Variants in PRCP observed in about 807,000 individuals in gnomAD.
PRCP encodes the protein prolylcarboxypeptidase, also known as lysosomal Pro-X carboxypeptidase.
Under a neutral mutation model 54.2 loss-of-function variants are expected in PRCP, and 46 were observed. The ratio of observed to expected loss-of-function variants is 0.85; its 90% CI spans 0.67 to 1.09. PRCP has a LOEUF of 1.09. Ranked by LOEUF, PRCP falls within the 50% of genes least tolerant of loss-of-function variation. The pLI is 0.00. For missense variants in PRCP, 613 were observed against 596.8 expected (o/e 1.03, Z -0.28); for synonymous variants, 240 against 212.2 (o/e 1.13, Z -1.14).
In PRCP at chr11:82,891,936, A is replaced by C. The variant is rs543153969; in HGVS notation, c.168+8299T>G. Among the ~76,000 whole-genome samples, 44 of 152,338 alleles carry C rather than the reference A, an allele frequency of 2.9e-4. 1 individual carries two copies. Among genetic ancestry groups the C allele is most frequent in the Non-Finnish European group, 5.1e-4 (35 of 68,032 alleles). On this transcript the variant is annotated intron_variant, in intron 1 of 8. Transcript: ENST00000313010. ...CAATATTCCATTTTATAGACATACC[A>C]CAAGTTATTTACAATTTGGGACTGA...
chr11:82,889,282 C>T (rs566639617), intron 1 of PRCP, among the ~76,000 whole-genome samples: 22 of 151,764 alleles, frequency 1.4e-4, no homozygotes, highest in African/African-American at 5.1e-4. Flanking sequence ...CACCTGAGCC[C>T]GGGAGTTTGA....
chr11:82,849,213 C>A lies in PRCP; in HGVS notation c.757G>T (p.Gly253Cys). Residue 253 changes from glycine to cysteine, a missense_variant, in exon 6 of 9, where the codon GGT becomes TGT. Physicochemically the swap from Gly to Cys is radical, Grantham distance 159 (BLOSUM62 -3). Coordinates refer to ENST00000313010, the MANE Select transcript of PRCP (RefSeq NM_005040.4). Reference protein sequence around the residue: ...AINRLSNTGSGLQWLTGALHL... With the variant: ...AINRLSNTGSCLQWLTGALHL... ...AGGGCTCCAGTAAGCCACTGCAAACCACTGCCTGGGAATAGAATCACACTG... is the reference window on the plus strand; with the variant it reads ...AGGGCTCCAGTAAGCCACTGCAAACAACTGCCTGGGAATAGAATCACACTG... 3 of 1,613,886 alleles carry A rather than the reference C, an allele frequency of 1.9e-6. No homozygotes were observed. The highest frequency in any genetic ancestry group is 2.5e-6 in the Non-Finnish European group (3 of 1,179,842).
chr11:82,874,204 A>G (rs1440701407), intron 1 of PRCP, among the ~76,000 whole-genome samples: 2 of 152,192 alleles, frequency 1.3e-5, no homozygotes, highest in Non-Finnish European at 2.9e-5. Flanking sequence ...ACACCAGATA[A>G]TCAACAACTT....
intron 8 of PRCP, chr11:82,827,868 C>T (rs1248607529): frequency 6.6e-6 from 1 of 152,160 alleles, no homozygotes; most frequent in Non-Finnish European, 1.5e-5. Context: ...GTATAGTCAT[C>T]TTAATAGTAT....
At chr11:82,850,269 A>G in intron 4 of PRCP, 55 bp downstream of exon 4, 1 of 1,363,160 alleles carries the variant, frequency 7.3e-7, no homozygotes. Flanking sequence ...ATGAATCTCT[A>G]AGTTTCCCTT....
At chr11:82,847,361 C>CAGT (rs1416372138) in intron 6 of PRCP, among the ~76,000 whole-genome samples, 3 of 152,146 alleles carry the variant, frequency 2.0e-5, no homozygotes, top group Non-Finnish European at 4.4e-5. Flanking sequence ...CAGTGAAGAC[C>CAGT]CAAGTTCAAA....
chr11:82,835,417 C>A, intron 8 of PRCP: 1 of 178,290 alleles, frequency 5.6e-6, no homozygotes, highest in South Asian at 1.3e-4. Flanking sequence ...GCACAGTGGT[C>A]AGAGAGGTAC....
intron 1 of PRCP, among the ~76,000 whole-genome samples, chr11:82,891,201 A>G (rs1860002234): frequency 6.6e-6 from 1 of 152,162 alleles, no homozygotes; most frequent in East Asian, 1.9e-4. Flanking sequence ...CTAACTGCTC[A>G]GGCCAAAAAC....
chr11:82,881,053 G>C (rs1859738367), intron 1 of PRCP, among the ~76,000 whole-genome samples: 1 of 152,106 alleles, frequency 6.6e-6, no homozygotes, highest in Admixed American at 6.5e-5. Flanking sequence ...TTGCTTCCAG[G>C]TCTTACCTTT....
Position 82,894,551 on chromosome 11 carries a change from A to G in PRCP, c.168+5684T>C, listed in dbSNP as rs141966989. On this transcript the variant is annotated intron_variant, in intron 1 of 8. Coordinates refer to ENST00000313010, the MANE Select transcript of PRCP (RefSeq NM_005040.4). ...TCCATTTATCTTACAAATTAGTACA[A>G]TGAGATCTAGAGGGTTAGGCAACTT... 4.7e-4 allele frequency among the ~76,000 whole-genome samples: 71 copies of G among 152,372 alleles called. 1 individual carries two copies. Among genetic ancestry groups the G allele is most frequent in the African/African-American group, 1.6e-3 (65 of 41,582 alleles).
intron 1 of PRCP, among the ~76,000 whole-genome samples, chr11:82,867,311 C>T (rs1281598271): frequency 2.0e-5 from 3 of 152,160 alleles, no homozygotes; most frequent in African/African-American, 4.8e-5. Context: ...TTTCCTCAAA[C>T]CAAGAACTCC....
At chr11:82,835,647 A>G (rs564339473) in intron 8 of PRCP, 258 of 311,294 alleles carry the variant, frequency 8.3e-4, no homozygotes, top group Non-Finnish European at 1.2e-3. Context: ...GCTGAGGACA[A>G]CGATGTAGAA....
intron 6 of PRCP, among the ~76,000 whole-genome samples, chr11:82,841,778 T>C (rs894284460): frequency 6.6e-6 from 1 of 152,170 alleles, no homozygotes; most frequent in African/African-American, 2.4e-5. Flanking sequence ...AAAAAATACC[T>C]AACATTTGCA....
intron 2 of PRCP, chr11:82,858,486 G>C (rs954150388): frequency 6.6e-6 from 1 of 152,212 alleles, no homozygotes; most frequent in African/African-American, 2.4e-5. Context: ...TCTGCCTCTA[G>C]TCAGTTCTTC....
intron 6 of PRCP, chr11:82,840,813 A>T (rs1449904957): frequency 6.6e-6 from 1 of 151,992 alleles, no homozygotes; most frequent in Non-Finnish European, 1.5e-5. Context: ...TTCTTAGGTT[A>T]AGTCATCTTC....
At position 82,892,327 on chromosome 11, in the gene PRCP, CA is replaced by C. The variant is rs1259576371; in HGVS notation, c.168+7907del. On this transcript the variant is annotated intron_variant, in intron 1 of 8. Coordinates refer to ENST00000313010, the MANE Select transcript of PRCP (RefSeq NM_005040.4). The stretch of plus-strand genomic sequence containing the variant: ...TAAAAAGAGATGTAAAAGAGTTTAG[CA>C]TAATATTGAGCTCAGAGTAGATAAT... 4.1e-4 allele frequency among the ~76,000 whole-genome samples: 62 copies of C among 152,214 alleles called. 1 individual carries two copies. Among genetic ancestry groups the C allele is most frequent in the African/African-American group, 1.3e-3 (55 of 41,550 alleles).
chr11:82,839,422 C>T lies in PRCP; in HGVS notation c.925G>A (p.Val309Met), dbSNP rs1194427677. Residue 309 changes from valine to methionine, a missense_variant, in exon 7 of 9, where the codon GTG (valine) becomes ATG (methionine). Coordinates refer to ENST00000313010, the MANE Select transcript of PRCP (RefSeq NM_005040.4). Reference protein sequence around the residue: ...QPLPAWPIKVVCQYLKNPNVS... With the variant: ...QPLPAWPIKVMCQYLKNPNVS... ...TTGGGATTTTTCAAATACTGGCACA[C>T]TACCTGTCATTTTAGAAAGATAAAT... The T allele has an allele frequency of 3.1e-6, 5 of 1,608,914 alleles. No individual in the cohort carries two copies. Among genetic ancestry groups the T allele is most frequent in the Non-Finnish European group, 3.4e-6 (4 of 1,176,734 alleles).
At chr11:82,899,646 C>T (rs968906220) in intron 1 of PRCP, among the ~76,000 whole-genome samples, 14 of 152,104 alleles carry the variant, frequency 9.2e-5, no homozygotes, top group African/African-American at 2.7e-4. Context: ...AATCCCCACC[C>T]CCACCACAAA....
At chr11:82,891,954 G>A (rs1860016962) in intron 1 of PRCP, among the ~76,000 whole-genome samples, 15 of 152,060 alleles carry the variant, frequency 9.9e-5, no homozygotes, top group Admixed American at 9.8e-4. Flanking sequence ...TTTACAATTT[G>A]GGACTGAAAA....
Sources: gnomAD v4.1 joint callset for allele counts (sites outside exome capture counted in the v4.1 genomes callset) on GRCh38, gnomAD v4.1.1 for gene constraint, MANE v1.5 for transcripts, NCBI Gene and HGNC (gene_info 2026-07-23, HGNC 2026-07-21) for gene names.